The following TMTC2 variants were observed in gnomAD, a reference collection of about 807,000 sequenced individuals.
The protein encoded by TMTC2 is protein O-mannosyl-transferase TMTC2.
TMTC2 carries 43 observed loss-of-function variants against 82.4 expected under a neutral mutation model. The observed-to-expected ratio is 0.52, with a 90% CI of 0.41 to 0.67. The LOEUF (loss-of-function observed/expected upper bound fraction) is 0.67, where lower values mean the gene tolerates loss of function less well. Ranked by LOEUF, TMTC2 falls within the 30% of genes least tolerant of loss-of-function variation. The probability of loss-of-function intolerance (pLI) is 0.00; values close to 1 mark genes in which losing one functional copy is unlikely to be tolerated. For missense variants in TMTC2, 919 were observed against 1,012.4 expected (o/e 0.91, Z 1.25); for synonymous variants, 408 against 381.9 (o/e 1.07, Z -0.80).
intron 2 of TMTC2, among the ~76,000 whole-genome samples, chr12:82,865,571 A>C (rs540837007): frequency 2.1e-4 from 32 of 152,322 alleles, no homozygotes; most frequent in Admixed American, 1.4e-3. Context: ...GGGAGACTTT[A>C]ACACCCCACT....
chr12:83,038,350 G>A (rs1407496706), intron 9 of TMTC2, among the ~76,000 whole-genome samples: 1 of 151,892 alleles, frequency 6.6e-6, no homozygotes, highest in Non-Finnish European at 1.5e-5. Context: ...TGGAAATCAA[G>A]GGAATTAAAA....
At chr12:82,729,892 A>G (rs945259202) in intron 1 of TMTC2, among the ~76,000 whole-genome samples, 1 of 152,180 alleles carries the variant, frequency 6.6e-6, no homozygotes, top group Non-Finnish European at 1.5e-5. Context: ...TCCTGAAGCC[A>G]GCAAGACCAC....
chr12:82,998,531 G>A (rs1441916146), intron 8 of TMTC2, among the ~76,000 whole-genome samples: 1 of 152,110 alleles, frequency 6.6e-6, no homozygotes, highest in African/African-American at 2.4e-5. Context: ...ATTAATTTGT[G>A]ATCTTAAGCA....
chr12:82,967,871 A>G (rs1487010407), intron 7 of TMTC2, among the ~76,000 whole-genome samples: 1 of 152,140 alleles, frequency 6.6e-6, no homozygotes, highest in East Asian at 1.9e-4. Flanking sequence ...ATGCATATAA[A>G]ATAAATGAGA....
At chr12:82,730,335 A>C in intron 1 of TMTC2, among the ~76,000 whole-genome samples, 1 of 147,652 alleles carries the variant, frequency 6.8e-6, no homozygotes. Context: ...TACCTCATCC[A>C]CTCCCTATCT....
chr12:82,766,594 A>G (rs1876974351), intron 1 of TMTC2, among the ~76,000 whole-genome samples: 1 of 152,208 alleles, frequency 6.6e-6, no homozygotes, highest in African/African-American at 2.4e-5. Context: ...TTTAGCCTAC[A>G]TCTTATGAAG....
At chr12:82,854,530 G>A (rs1428932531) in intron 1 of TMTC2, among the ~76,000 whole-genome samples, 2 of 152,068 alleles carry the variant, frequency 1.3e-5, no homozygotes, top group Non-Finnish European at 2.9e-5. Flanking sequence ...GACACTTTCT[G>A]GAAGTAGTAG....
At chr12:82,985,385 GT>G (rs1879109466) in intron 7 of TMTC2, among the ~76,000 whole-genome samples, 1 of 152,066 alleles carries the variant, frequency 6.6e-6, no homozygotes, top group African/African-American at 2.4e-5. Context: ...AATTCAAATA[GT>G]TTCTTTAAAG....
intron 1 of TMTC2, among the ~76,000 whole-genome samples, chr12:82,716,512 C>T (rs980562228): frequency 6.6e-5 from 10 of 152,094 alleles, no homozygotes; most frequent in Admixed American, 2.0e-4. Context: ...TACAGGCGCG[C>T]GCCACCATGC....
intron 8 of TMTC2, among the ~76,000 whole-genome samples, chr12:82,995,225 G>A (rs557044491): frequency 1.3e-5 from 2 of 152,168 alleles, no homozygotes; most frequent in South Asian, 4.2e-4. Context: ...AGGAGTGATG[G>A]TACAGACAAT....
chr12:82,811,093 G>T (rs187329291), intron 1 of TMTC2, among the ~76,000 whole-genome samples: 3 of 151,992 alleles, frequency 2.0e-5, no homozygotes, highest in Non-Finnish European at 4.4e-5. Flanking sequence ...TTAGCCAGGC[G>T]TGGTGGCCTG....
At chr12:83,116,861 T>A (rs531228117) in intron 11 of TMTC2, among the ~76,000 whole-genome samples, 9 of 152,288 alleles carry the variant, frequency 5.9e-5, no homozygotes, top group African/African-American at 2.2e-4. Flanking sequence ...ATTGTGAAGA[T>A]TTTCTTCCAC....
At chr12:83,023,224 T>C (rs1881015416) in intron 8 of TMTC2, among the ~76,000 whole-genome samples, 1 of 152,242 alleles carries the variant, frequency 6.6e-6, no homozygotes, top group Non-Finnish European at 1.5e-5. Flanking sequence ...AATTTTTTAA[T>C]AGATGAATAA....
intron 1 of TMTC2, among the ~76,000 whole-genome samples, chr12:82,751,153 A>T (rs748980931): frequency 4.6e-5 from 7 of 152,196 alleles, no homozygotes; most frequent in Non-Finnish European, 8.8e-5. Flanking sequence ...TCCAACAATG[A>T]TAGACTGGAT....
intron 3 of TMTC2, among the ~76,000 whole-genome samples, chr12:82,911,880 G>T (rs967163741): frequency 6.6e-6 from 1 of 152,176 alleles, no homozygotes; most frequent in East Asian, 1.9e-4. Flanking sequence ...AAAGTGCTGG[G>T]ACTACAGGTG....
intron 8 of TMTC2, among the ~76,000 whole-genome samples, chr12:83,027,510 T>C (rs1444826669): frequency 2.0e-5 from 3 of 147,750 alleles, no homozygotes; most frequent in Non-Finnish European, 3.0e-5. Flanking sequence ...GTTATAATGC[T>C]GATGAGGAAA....
rs761543497 is a variant in TMTC2, at chr12:82,930,414, C to A, written c.1484-17C>A. 133 of 1,523,532 alleles carry A rather than the reference C, an allele frequency of 8.7e-5. No individual in the cohort carries two copies. The highest frequency in any genetic ancestry group is 1.0e-4 in the Non-Finnish European group (116 of 1,112,886). The allele number at this position is 1,523,532 out of a possible 1,614,324, so 94.4% of individuals were successfully genotyped here. On this transcript the variant is annotated splice_polypyrimidine_tract_variant and intron_variant, in intron 3 of 11. Coordinates refer to ENST00000321196, the MANE Select transcript of TMTC2 (RefSeq NM_152588.3). Reference sequence around the variant, plus strand: ...GGATTGATGCTCAGTCTGAAAATTTCTTTTTCTTCTTGGCAGCATGGGGTA... The same window carrying A: ...GGATTGATGCTCAGTCTGAAAATTTATTTTTCTTCTTGGCAGCATGGGGTA...
chr12:82,885,258 G>C (rs1480932887), intron 2 of TMTC2, among the ~76,000 whole-genome samples: 1 of 151,894 alleles, frequency 6.6e-6, no homozygotes, highest in Admixed American at 6.6e-5. Context: ...ATATTTAGCA[G>C]TATGTCTTTC....
intron 4 of TMTC2, among the ~76,000 whole-genome samples, chr12:82,944,674 G>A (rs905496324): frequency 6.6e-6 from 1 of 152,088 alleles, no homozygotes; most frequent in African/African-American, 2.4e-5. Flanking sequence ...CTGTTGGTTA[G>A]GACAGTAAGA....
Sources: allele counts gnomAD v4.1 joint callset (sites outside exome capture counted in the v4.1 genomes callset), GRCh38; gene constraint gnomAD v4.1.1; transcripts MANE v1.5; gene names NCBI Gene and HGNC (gene_info 2026-07-23, HGNC 2026-07-21).